Variants in PCDHA3 observed in about 807,000 individuals in gnomAD.
PCDHA3 encodes the protein protocadherin alpha-3.
PCDHA3 carries 41 observed loss-of-function variants against 62.2 expected under a neutral mutation model. That is an observed-to-expected ratio of 0.66 (90% CI 0.51 to 0.86). PCDHA3 has a LOEUF of 0.86. Among genes scored for constraint, PCDHA3 ranks in the 40% least tolerant of loss-of-function variants. The pLI is 0.00. For missense variants in PCDHA3, 1,304 were observed against 1,241.2 expected, an observed-to-expected ratio of 1.05 and a Z score of -0.76; for synonymous variants, 640 against 555.4, an observed-to-expected ratio of 1.15 and a Z score of -2.14.
At chr5:140,985,167 G>C (rs905296036) in intron 3 of PCDHA3, among the ~76,000 whole-genome samples, 2 of 152,176 alleles carry the variant, frequency 1.3e-5, no homozygotes, top group Admixed American at 1.3e-4. Context: ...TCAATCTCCT[G>C]ACCTCGTAAT....
At chr5:140,862,948 G>T (rs782222335) in intron 1 of PCDHA3, 1 of 543,712 alleles carries the variant, frequency 1.8e-6, no homozygotes, top group South Asian at 1.4e-5. Context: ...GTGAGCTGGT[G>T]CGGTATTCAG....
chr5:140,917,948 A>G (rs1382859222), intron 1 of PCDHA3, among the ~76,000 whole-genome samples: 2 of 151,868 alleles, frequency 1.3e-5, no homozygotes, highest in Admixed American at 1.3e-4. Flanking sequence ...TGGTAGTTTG[A>G]TAGGAACATC....
chr5:140,898,560 G>T lies in PCDHA3; in HGVS notation c.2395-80389G>T, dbSNP rs185604146. On this transcript the variant is annotated intron_variant, in intron 1 of 3. Coordinates refer to ENST00000522353, the MANE Select transcript of PCDHA3 (RefSeq NM_018906.3). ...TTCCATTTATCTATGTCTCTGTTTT[G>T]GTACCAGTGCCATGCTGTTTTGGTT... Among the ~76,000 whole-genome samples the T allele has an allele frequency of 5.1e-3, 775 of 152,210 alleles. 4 individuals carry two copies. The highest frequency in any genetic ancestry group is 8.5e-3 in the Non-Finnish European group (578 of 68,016).
intron 1 of PCDHA3, among the ~76,000 whole-genome samples, chr5:140,818,849 T>C (rs1027189505): frequency 6.6e-6 from 1 of 152,196 alleles, no homozygotes; most frequent in Non-Finnish European, 1.5e-5. Context: ...TAGAATCAAC[T>C]ATAGGTAGAG....
rs377755323 is a variant in PCDHA3 at position 140,870,200 on chromosome 5, C to T, written c.2394+66609C>T. Reference sequence around the variant, plus strand: ...GTACGAGAGGACGCTCAGCCCAGCACGGTCATTGCCCTGATCAGCGTGTCT... The same window carrying T: ...GTACGAGAGGACGCTCAGCCCAGCATGGTCATTGCCCTGATCAGCGTGTCT... On this transcript the variant is annotated intron_variant, in intron 1 of 3. Transcript: ENST00000522353. 7 of 1,614,172 alleles carry T rather than the reference C, an allele frequency of 4.3e-6. No homozygotes were observed. The African/African-American group carries it at 5.3e-5, about 12-fold the overall frequency.
intron 1 of PCDHA3, among the ~76,000 whole-genome samples, chr5:140,975,776 A>G (rs1554237009): frequency 1.3e-5 from 2 of 152,152 alleles, no homozygotes; most frequent in African/African-American, 2.4e-5. Flanking sequence ...AGATAATACC[A>G]TTACAAGATA....
chr5:141,004,045 G>T (rs1588047334), intron 3 of PCDHA3, among the ~76,000 whole-genome samples: 1 of 152,222 alleles, frequency 6.6e-6, no homozygotes, highest in East Asian at 1.9e-4. Flanking sequence ...TTGATCATTT[G>T]CTGATACTGG....
chr5:140,966,216 C>T (rs1189015388), intron 1 of PCDHA3: 1 of 247,072 alleles, frequency 4.0e-6, no homozygotes, highest in African/African-American at 2.2e-5. Flanking sequence ...TTTTCCCAGA[C>T]TAATCTCCTT....
In PCDHA3 at chr5:141,006,613, A is replaced by G. The variant is rs543043401; in HGVS notation, c.2543-3014A>G. 2.0e-5 allele frequency among the ~76,000 whole-genome samples: 3 copies of G among 152,308 alleles called. No individual in the cohort carries two copies. In the South Asian group the frequency reaches 6.2e-4, roughly 32 times the overall value. Reference sequence around the variant, plus strand: ...AGCAAAAGTGGAAGCAGACTGAATAAGGAGACTATTGCTGCAATTCATATA... The same window carrying G: ...AGCAAAAGTGGAAGCAGACTGAATAGGGAGACTATTGCTGCAATTCATATA... On this transcript the variant is annotated intron_variant, in intron 3 of 3. Coordinates refer to ENST00000522353, the MANE Select transcript of PCDHA3 (RefSeq NM_018906.3).
At chr5:140,847,479 A>G (rs1229726594) in intron 1 of PCDHA3, 1 of 149,940 alleles carries the variant, frequency 6.7e-6, no homozygotes, top group East Asian at 1.9e-4. Flanking sequence ...ACGTTGGAAT[A>G]AGATAGTAAA....
In PCDHA3 at chr5:140,850,593, C is replaced by G. The variant is rs2150490576; in HGVS notation, c.2394+47002C>G. The stretch of plus-strand genomic sequence containing the variant: ...GACGCTGGTGGATGTCAACGTGTAC[C>G]TGATCATCGCCATCTGCGCGGTGTC... On this transcript the variant is annotated intron_variant, in intron 1 of 3. Coordinates refer to ENST00000522353, the MANE Select transcript of PCDHA3 (RefSeq NM_018906.3). 25 of 1,598,524 alleles carry G rather than the reference C, an allele frequency of 1.6e-5. 1 individual carries two copies. The highest frequency in any genetic ancestry group is 5.5e-5 in the South Asian group (5 of 90,556).
In PCDHA3 at chr5:140,829,584, G is replaced by A. The variant is rs1198811288; in HGVS notation, c.2394+25993G>A. ...GTGTCCTACTCGCTGGTGGAGCGGC[G>A]GGTGGGCGAGCGCGCGTTGTCGAGC... On this transcript the variant is annotated intron_variant, in intron 1 of 3. Coordinates refer to ENST00000522353, the MANE Select transcript of PCDHA3 (RefSeq NM_018906.3). 5 of 1,612,124 alleles carry A rather than the reference G, an allele frequency of 3.1e-6. No individual in the cohort carries two copies. In the African/African-American group the frequency reaches 5.3e-5, roughly 17 times the overall value.
intron 1 of PCDHA3, among the ~76,000 whole-genome samples, chr5:140,940,000 G>A (rs1442780881): frequency 6.6e-6 from 1 of 152,080 alleles, no homozygotes; most frequent in Non-Finnish European, 1.5e-5. Context: ...CTTGGATTTT[G>A]TCAATTTTTT....
chr5:140,828,999 T>A lies in PCDHA3; in HGVS notation c.2394+25408T>A, dbSNP rs2150161798. On this transcript the variant is annotated intron_variant, in intron 1 of 3. Coordinates refer to ENST00000522353, the MANE Select transcript of PCDHA3 (RefSeq NM_018906.3). ...ATAGATCGAAATACGGGAGAAATAG[T>A]GATTCGGGGTAATTTGGATTTTGAA... The A allele has an allele frequency of 1.4e-5, 23 of 1,613,800 alleles. No individual in the cohort carries two copies. In the South Asian group the frequency reaches 2.4e-4, roughly 17 times the overall value.
At chr5:140,807,862 C>G (rs1764047483) in intron 1 of PCDHA3, 1 of 1,613,994 alleles carries the variant, frequency 6.2e-7, no homozygotes, top group Admixed American at 1.7e-5. Context: ...TGACTGGCAC[C>G]GTTCAGTTAC....
intron 1 of PCDHA3, chr5:140,843,545 T>C: frequency 2.5e-6 from 4 of 1,595,904 alleles, no homozygotes; most frequent in Non-Finnish European, 3.4e-6. Context: ...TCTGGTGTGC[T>C]CCAGTGCGGT....
At chr5:140,818,013 C>T (rs2150099839) in intron 1 of PCDHA3, among the ~76,000 whole-genome samples, 37 of 152,152 alleles carry the variant, frequency 2.4e-4, no homozygotes, top group African/African-American at 8.4e-4. Flanking sequence ...TCACTTTTAA[C>T]AGCTTTACTA....
At chr5:140,851,728 C>A in intron 1 of PCDHA3, 1 of 969,738 alleles carries the variant, frequency 1.0e-6, no homozygotes, top group Non-Finnish European at 1.2e-6. Context: ...ACTTCGAGTT[C>A]TTTTGAAATT....
rs1767505494 is a variant in PCDHA3, at chr5:140,822,996, G to T, written c.2394+19405G>T. On this transcript the variant is annotated intron_variant, in intron 1 of 3. Coordinates refer to ENST00000522353, the MANE Select transcript of PCDHA3 (RefSeq NM_018906.3). ...CCTTCAAGAATTACTACTCGTTGGT[G>T]CTGGACAGCGCCCTGGACCGCGAGA... 5 of 1,614,122 alleles carry T rather than the reference G, an allele frequency of 3.1e-6. No individual in the cohort carries two copies. In the South Asian group the frequency reaches 4.4e-5, roughly 14 times the overall value.
Sources: gnomAD v4.1 joint callset for allele counts (sites outside exome capture counted in the v4.1 genomes callset) on GRCh38, gnomAD v4.1.1 for gene constraint, MANE v1.5 for transcripts, NCBI Gene and HGNC (gene_info 2026-07-23, HGNC 2026-07-21) for gene names.